Variants in COL6A5 observed in about 807,000 individuals in gnomAD.
COL6A5 encodes the protein collagen type VI alpha 5 chain.
A neutral mutation model predicts 65.6 loss-of-function variants in COL6A5; 48 were observed. The observed-to-expected ratio is 0.73, with a 90% CI of 0.58 to 0.93. The LOEUF is 0.93. COL6A5 is among the 40% of genes least tolerant of loss of function. The pLI, the probability that COL6A5 is intolerant of heterozygous loss-of-function variation, is 0.00. For missense variants in COL6A5, 914 were observed against 928.3 expected (o/e 0.98, Z 0.20); for synonymous variants, 291 against 322.8 (o/e 0.90, Z 1.05).
At chr3:130,426,094 C>A in intron 29 of COL6A5, 120 bp from the exon 30 acceptor site, 1 of 878,330 alleles carries the variant, frequency 1.1e-6, no homozygotes, top group Non-Finnish European at 1.8e-6. Context: ...AATATTTTAA[C>A]TACTCTCTAC....
exon 1 of COL6A5, chr3:130,345,700 A>T: frequency 2.5e-6 from 1 of 398,708 alleles, no homozygotes; most frequent in South Asian, 1.3e-4. Context: ...GTGAAGAGTT[A>T]AAAGCCCCAG....
chr3:130,431,397 G>A (rs1937799506), upstream of COL6A5: 3 of 1,514,878 alleles, frequency 2.0e-6, no homozygotes, highest in Admixed American at 3.9e-5. Flanking sequence ...CTTCATTGGA[G>A]TAAAGAGTTG....
chr3:130,419,802 T>C (rs1372892093), intron 25 of COL6A5, among the ~76,000 whole-genome samples: 6 of 151,992 alleles, frequency 3.9e-5, no homozygotes, highest in Non-Finnish European at 7.4e-5. Context: ...AAAATTTCAA[T>C]TAGAAAGAAG....
At chr3:130,356,687 A>T (rs1017496032) in intron 1 of COL6A5, among the ~76,000 whole-genome samples, 2 of 151,856 alleles carry the variant, frequency 1.3e-5, no homozygotes, top group Non-Finnish European at 2.9e-5. Flanking sequence ...CACACTGAAA[A>T]ATAAAACAAC....
At chr3:130,451,717 A>T (rs1709444733) in intron 4 of COL6A5, among the ~76,000 whole-genome samples, 2 of 152,102 alleles carry the variant, frequency 1.3e-5, no homozygotes, top group Non-Finnish European at 2.9e-5. Flanking sequence ...AAGTCATCCG[A>T]GTTAGACATT....
chr3:130,412,884 C>A (rs1937221720), intron 20 of COL6A5, among the ~76,000 whole-genome samples: 1 of 152,090 alleles, frequency 6.6e-6, no homozygotes, highest in Non-Finnish European at 1.5e-5. Flanking sequence ...GGCTACATTT[C>A]TGAATAAATG....
At position 130,413,638 on chromosome 3, in the gene COL6A5, A is replaced by C. The variant is rs1486233029; in HGVS notation, c.4698+58A>C. On this transcript the variant is annotated intron_variant and NMD_transcript_variant, in intron 21 of 41. Coordinates refer to the COL6A5 transcript ENST00000312481. ...TGATGGGACCAAGGAGGTTTCTCCC[A>C]TGTAGGTGGTGCTGGGAATCATATC... 2.0e-6 allele frequency: 3 copies of C among 1,495,884 alleles called. No homozygotes were observed. The East Asian group carries it at 7.4e-5, about 37-fold the overall frequency. 92.7% of individuals were successfully genotyped at this position (1,495,884 alleles called of 1,614,324 possible).
chr3:130,476,073 A>C (rs12495856), intron 7 of COL6A5, among the ~76,000 whole-genome samples: 12,067 of 152,156 alleles, frequency 0.079, 664 homozygotes, highest in African/African-American at 0.16. Context: ...GCCATAACAA[A>C]GACCATAGAC....
chr3:130,449,216 C>T (rs958160743), intron 4 of COL6A5, among the ~76,000 whole-genome samples: 4 of 152,092 alleles, frequency 2.6e-5, no homozygotes, highest in Admixed American at 2.0e-4. Flanking sequence ...TGGCAGCGGC[C>T]GCCACTAAAA....
intron 5 of COL6A5, among the ~76,000 whole-genome samples, chr3:130,466,326 C>G (rs184702725): frequency 3.9e-5 from 6 of 152,068 alleles, no homozygotes; most frequent in Admixed American, 6.6e-5. Context: ...TCTTTGAAAA[C>G]TCCCTAAGTA....
At chr3:130,347,560 A>G (rs1256733337) in intron 1 of COL6A5, among the ~76,000 whole-genome samples, 2 of 152,202 alleles carry the variant, frequency 1.3e-5, no homozygotes, top group African/African-American at 4.8e-5. Context: ...CTACATGCAG[A>G]AATTGTTCAT....
chr3:130,430,978 T>A (rs950841430), upstream of COL6A5, among the ~76,000 whole-genome samples: 1 of 152,350 alleles, frequency 6.6e-6, no homozygotes, highest in East Asian at 1.9e-4. Context: ...CTTACATCTA[T>A]CTTTATAATT....
intron 6 of COL6A5, among the ~76,000 whole-genome samples, chr3:130,390,186 G>C (rs767886249): frequency 3.9e-5 from 6 of 152,068 alleles, no homozygotes; most frequent in Non-Finnish European, 7.4e-5. Context: ...GCTCTTCTTG[G>C]CATTTCTTCA....
At chr3:130,421,012 C>T in intron 25 of COL6A5, 141 bp from the exon 26 acceptor site, 1 of 685,276 alleles carries the variant, frequency 1.5e-6, no homozygotes, top group Non-Finnish European at 2.5e-6. Flanking sequence ...ACACAATGTT[C>T]CCAGGGTTCA....
chr3:130,470,130 C>T lies in COL6A5; in HGVS notation c.2231+649C>T, dbSNP rs192169367. Among the ~76,000 whole-genome samples the T allele has an allele frequency of 4.6e-5, 7 of 152,212 alleles. 1 individual carries two copies. In the East Asian group the frequency reaches 1.4e-3, roughly 29 times the overall value. ...TCTCCTCTACAGCCTCTATGCCAGACAGCTGGTAGGGATTTTTTAGGGTGT... is the reference window on the plus strand; with the variant it reads ...TCTCCTCTACAGCCTCTATGCCAGATAGCTGGTAGGGATTTTTTAGGGTGT... On this transcript the variant is annotated intron_variant, in intron 6 of 7. Coordinates refer to ENST00000512836, the Ensembl canonical transcript of COL6A5.
At chr3:130,389,175 C>A (rs1936308379) in intron 6 of COL6A5, 41 bp downstream of exon 6, 2 of 1,280,200 alleles carry the variant, frequency 1.6e-6, no homozygotes, top group Non-Finnish European at 2.0e-6. Flanking sequence ...AGGATGTGAG[C>A]TGTTGACTTT....
At chr3:130,465,415 G>A (rs1458154185) in intron 5 of COL6A5, among the ~76,000 whole-genome samples, 2 of 152,004 alleles carry the variant, frequency 1.3e-5, no homozygotes, top group African/African-American at 4.8e-5. Context: ...TGCTCAACAG[G>A]GCTAGGAATC....
chr3:130,376,925 T>A (rs949275728), intron 3 of COL6A5, 89 bp downstream of exon 3: 4 of 1,362,574 alleles, frequency 2.9e-6, no homozygotes, highest in Non-Finnish European at 3.9e-6. Flanking sequence ...TGTTAGGTTT[T>A]CATGATTAGC....
exon 7 of COL6A5, chr3:130,391,198 A>T (rs1400245656): frequency 6.4e-7 from 1 of 1,551,096 alleles, no homozygotes; most frequent in South Asian, 1.2e-5. Flanking sequence ...GGATTACACT[A>T]CTAGACGTTG....
Sources: allele counts gnomAD v4.1 joint callset (sites outside exome capture counted in the v4.1 genomes callset), GRCh38; gene constraint gnomAD v4.1.1; transcripts MANE v1.5; gene names NCBI Gene and HGNC (gene_info 2026-07-23, HGNC 2026-07-21).